The following KIRREL3 variants were observed in gnomAD, a reference collection of about 807,000 sequenced individuals.
KIRREL3 encodes the protein kirre like nephrin family adhesion molecule 3.
Under a neutral mutation model 89.7 loss-of-function variants are expected in KIRREL3, and 36 were observed. The observed-to-expected ratio is 0.40, with a 90% CI of 0.31 to 0.53. The LOEUF is 0.53. KIRREL3 is among the 20% of genes least tolerant of loss of function. The pLI is 0.49. For synonymous variants in KIRREL3, 445 were observed against 441.4 expected, an observed-to-expected ratio of 1.01 and a Z score of -0.10; for missense variants, 864 against 1,056.6, an observed-to-expected ratio of 0.82 and a Z score of 2.53.
In KIRREL3 at chr11:126,704,502, C is replaced by G. The variant is rs1947437936; in HGVS notation, c.56-141590G>C. On this transcript the variant is annotated intron_variant, in intron 1 of 16. Coordinates refer to ENST00000525144, the MANE Select transcript of KIRREL3 (RefSeq NM_032531.4). This position sits in a 1 kb window ranked among gnomAD's most constrained non-coding sequence, Gnocchi z 4.2. ...CTGTCTGAGAGACCTTGGTGGAGTG[C>G]AGCTTCAGCATTTGGGGCCACAGCT... Among the ~76,000 whole-genome samples, 2 of 152,232 alleles carry G rather than the reference C, an allele frequency of 1.3e-5. No individual in the cohort carries two copies. Among genetic ancestry groups the G allele is most frequent in the Non-Finnish European group, 2.9e-5 (2 of 68,046 alleles).
intron 1 of KIRREL3, among the ~76,000 whole-genome samples, chr11:126,767,670 AG>A (rs1223876285): frequency 6.6e-6 from 1 of 152,172 alleles, no homozygotes; most frequent in Admixed American, 6.5e-5. Flanking sequence ...TACTCTTTTA[AG>A]GAATCCCCTC....
At chr11:126,626,358 A>T (rs1943783222) in intron 1 of KIRREL3, among the ~76,000 whole-genome samples, 2 of 152,240 alleles carry the variant, frequency 1.3e-5, no homozygotes, top group South Asian at 4.1e-4. Context: ...AAGAACCAGC[A>T]CACTTGACTT....
chr11:126,560,108 A>T (rs1478838451), intron 2 of KIRREL3, among the ~76,000 whole-genome samples: 1 of 152,214 alleles, frequency 6.6e-6, no homozygotes, highest in Non-Finnish European at 1.5e-5. Flanking sequence ...AGCAGTTCCT[A>T]TATAAAGCAC....
rs1018706163 is a variant in KIRREL3 at position 126,867,200 on chromosome 11, C to T, written c.55+133255G>A. ...CTGCTCCCCCCAGGGGTTTGAGCAG[C>T]GGGGCATCTATGCAGCGAGCCACAC... is the stretch of plus-strand genomic sequence containing the variant. On this transcript the variant is annotated intron_variant, in intron 1 of 16. Coordinates refer to ENST00000525144, the MANE Select transcript of KIRREL3 (RefSeq NM_032531.4). The surrounding 1 kb of genome is among the most constrained non-coding windows in gnomAD (Gnocchi z 4.7). Among the ~76,000 whole-genome samples the T allele has an allele frequency of 1.3e-5, 2 of 152,322 alleles. No individual in the cohort carries two copies. Among genetic ancestry groups the T allele is most frequent in the East Asian group, 1.9e-4 (1 of 5,182 alleles).
chr11:126,658,874 C>T (rs548511664), intron 1 of KIRREL3, among the ~76,000 whole-genome samples: 16 of 152,302 alleles, frequency 1.1e-4, no homozygotes, highest in Non-Finnish European at 2.2e-4. Flanking sequence ...CATAAACAAT[C>T]GGACTTGTTA....
chr11:126,542,685 T>C (rs923212515), intron 2 of KIRREL3, among the ~76,000 whole-genome samples: 10 of 152,158 alleles, frequency 6.6e-5, no homozygotes, highest in Non-Finnish European at 1.5e-4. Flanking sequence ...GAGGGGGATA[T>C]TAACAGATTT....
chr11:126,460,949 C>T (rs1242702160), intron 6 of KIRREL3, among the ~76,000 whole-genome samples: 1 of 152,108 alleles, frequency 6.6e-6, no homozygotes, highest in East Asian at 1.9e-4. Context: ...GGGGAAGAAG[C>T]GAGGGTGGTG....
rs1215715874 is a variant in KIRREL3 at position 126,523,369 on chromosome 11, GGCC to G, written c.284-1908_284-1906del. Among the ~76,000 whole-genome samples the G allele has an allele frequency of 6.6e-6, 1 of 152,112 alleles. No individual in the cohort carries two copies. The highest frequency in any genetic ancestry group is 1.5e-5 in the Non-Finnish European group (1 of 68,000). ...CTCCCTGGGGGTGGGCTGTACAACGGGCCACCAGCACTTGTTCCTGGTCAGGCG... is the reference window on the plus strand; with the variant it reads ...CTCCCTGGGGGTGGGCTGTACAACGGACCAGCACTTGTTCCTGGTCAGGCG... On this transcript the variant is annotated intron_variant, in intron 3 of 16. Transcript: ENST00000525144. This position sits in a 1 kb window ranked among gnomAD's most constrained non-coding sequence, Gnocchi z 4.9.
intron 1 of KIRREL3, among the ~76,000 whole-genome samples, chr11:126,862,682 T>C (rs1944742806): frequency 6.6e-6 from 1 of 152,172 alleles, no homozygotes; most frequent in Non-Finnish European, 1.5e-5. Context: ...CCAGTCACTA[T>C]CGACTACTCC....
chr11:126,657,247 A>G, intron 1 of KIRREL3, among the ~76,000 whole-genome samples: 1 of 9,604 alleles, frequency 1.0e-4, no homozygotes. Flanking sequence ...CAAATAAATA[A>G]TTAAATAAAT....
At chr11:126,794,686 G>A (rs114438247) in intron 1 of KIRREL3, among the ~76,000 whole-genome samples, 3,901 of 152,298 alleles carry the variant, frequency 0.026, 166 homozygotes, top group African/African-American at 0.086. Flanking sequence ...AAGACACTTT[G>A]GTACCTTCTT....
At chr11:126,810,459 C>T (rs1318727407) in intron 1 of KIRREL3, among the ~76,000 whole-genome samples, 1 of 152,146 alleles carries the variant, frequency 6.6e-6, no homozygotes, top group African/African-American at 2.4e-5. Context: ...TTATGTAAAC[C>T]CCCAAGTCCC....
Position 126,844,358 on chromosome 11 carries a change from C to G in KIRREL3, c.55+156097G>C, listed in dbSNP as rs947391831. Among the ~76,000 whole-genome samples, 1 of 152,150 alleles carries G rather than the reference C, an allele frequency of 6.6e-6. No individual in the cohort carries two copies. The stretch of plus-strand genomic sequence containing the variant: ...GGAAACCCCAGACCCAAAGGCTAAC[C>G]TTGGGTAAGCAGTGTGGTGTGGTAA... On this transcript the variant is annotated intron_variant, in intron 1 of 16. Transcript: ENST00000525144. This position sits in a 1 kb window ranked among gnomAD's most constrained non-coding sequence, Gnocchi z 4.8.
chr11:126,451,572 A>ACG (rs1565465107), intron 7 of KIRREL3, among the ~76,000 whole-genome samples: 1 of 136,192 alleles, frequency 7.3e-6, no homozygotes, highest in African/African-American at 3.0e-5. Flanking sequence ...GATCATGTGC[A>ACG]TGTGTGTGTG....
intron 1 of KIRREL3, among the ~76,000 whole-genome samples, chr11:126,602,804 C>T (rs1010927378): frequency 6.6e-6 from 1 of 152,106 alleles, no homozygotes; most frequent in Non-Finnish European, 1.5e-5. Flanking sequence ...GGGCAGTTCG[C>T]GGGGCTGGGA....
chr11:126,939,487 G>A (rs191854815), intron 1 of KIRREL3, among the ~76,000 whole-genome samples: 5 of 152,296 alleles, frequency 3.3e-5, no homozygotes, highest in African/African-American at 1.2e-4. Context: ...GCTGCTGAGA[G>A]GCTACCTTAT....
At chr11:126,737,861 G>A (rs1948856639) in intron 1 of KIRREL3, among the ~76,000 whole-genome samples, 1 of 152,108 alleles carries the variant, frequency 6.6e-6, no homozygotes, top group Non-Finnish European at 1.5e-5. Context: ...TTATTTCTTT[G>A]TGTTAGAAAC....
chr11:126,902,791 C>G (rs1403288034), intron 1 of KIRREL3, among the ~76,000 whole-genome samples: 2 of 152,182 alleles, frequency 1.3e-5, no homozygotes, highest in African/African-American at 4.8e-5. Flanking sequence ...GGGCTATAGT[C>G]ATGGAAGAGA....
intron 1 of KIRREL3, among the ~76,000 whole-genome samples, chr11:126,786,862 T>C (rs1950502330): frequency 6.6e-6 from 1 of 152,160 alleles, no homozygotes; most frequent in Admixed American, 6.5e-5. Flanking sequence ...CTGAAGCTAC[T>C]GGCCAGGCCG....
Sources: gnomAD v4.1 joint callset for allele counts (sites outside exome capture counted in the v4.1 genomes callset) on GRCh38, gnomAD v4.1.1 for gene constraint, Gnocchi (gnomAD v3.1) non-coding constraint, MANE v1.5 for transcripts, NCBI Gene and HGNC (gene_info 2026-07-23, HGNC 2026-07-21) for gene names.